Variants in ARSG observed in about 807,000 individuals in gnomAD.
ARSG encodes the protein arylsulfatase G.
A neutral mutation model predicts 50.5 loss-of-function variants in ARSG; 37 were observed. That is an observed-to-expected ratio of 0.73 (90% confidence interval 0.56 to 0.96). The LOEUF is 0.96. Ranked by LOEUF, ARSG falls within the 50% of genes least tolerant of loss-of-function variation. ARSG has a pLI of 0.00. For synonymous variants in ARSG, 225 were observed against 254.6 expected (o/e 0.88, Z 1.11); for missense variants, 629 against 675.3 (o/e 0.93, Z 0.76).
At chr17:68,362,097 A>G (rs373111990) in intron 6 of ARSG, among the ~76,000 whole-genome samples, 1 of 152,290 alleles carries the variant, frequency 6.6e-6, no homozygotes, top group East Asian at 1.9e-4. Flanking sequence ...CAGGATGCAG[A>G]GATGAAAGAC....
chr17:68,295,298 G>A (rs191817510), intron 1 of ARSG, among the ~76,000 whole-genome samples: 3 of 152,192 alleles, frequency 2.0e-5, no homozygotes, highest in East Asian at 1.9e-4. Flanking sequence ...GTGGGCGGCC[G>A]ATGATTGATT....
At chr17:68,330,165 G>A (rs541976105) in intron 2 of ARSG, among the ~76,000 whole-genome samples, 3 of 151,918 alleles carry the variant, frequency 2.0e-5, no homozygotes, top group East Asian at 1.9e-4. Context: ...AGCTGAGATC[G>A]AGCCACTGCA....
chr17:68,401,347 C>T lies in ARSG; in HGVS notation c.1213-13C>T. ...CAATTTTTCTATTAGTAAGCTCTGC[C>T]ACCCTTTCTCAGGTGCTGTTCCACC... On this transcript the variant is annotated splice_polypyrimidine_tract_variant and intron_variant, in intron 10 of 11. Coordinates refer to ENST00000621439, the MANE Select transcript of ARSG (RefSeq NM_001267727.2). 6.2e-7 allele frequency: 1 copy of T among 1,613,072 alleles called. No homozygotes were observed. The highest frequency in any genetic ancestry group is 2.2e-5 in the East Asian group (1 of 44,854).
At chr17:68,416,946 T>C (rs974490307) in intron 11 of ARSG, among the ~76,000 whole-genome samples, 4 of 152,364 alleles carry the variant, frequency 2.6e-5, no homozygotes, top group African/African-American at 7.2e-5. Context: ...GCTTAATAAC[T>C]AACCTCCTGA....
chr17:68,289,565 A>G (rs2075920970), upstream of ARSG, among the ~76,000 whole-genome samples: 1 of 152,208 alleles, frequency 6.6e-6, no homozygotes, highest in Non-Finnish European at 1.5e-5. Context: ...AGCCCGGAGA[A>G]CAGCTTTGAC....
chr17:68,353,114 C>T (rs17739230), intron 5 of ARSG, among the ~76,000 whole-genome samples: 11,096 of 151,936 alleles, frequency 0.073, 564 homozygotes, highest in Non-Finnish European at 0.11. Flanking sequence ...CTGTAATCCA[C>T]GTGACCACTG....
the ARSG span, among the ~76,000 whole-genome samples, chr17:68,431,443 G>A: frequency 1.3e-5 from 2 of 152,100 alleles, no homozygotes; most frequent in African/African-American, 4.8e-5. Context: ...AGGAGGTTCT[G>A]GGGGTGGTGG....
intron 2 of ARSG, among the ~76,000 whole-genome samples, chr17:68,339,976 A>G (rs2078196758): frequency 6.6e-6 from 1 of 152,174 alleles, no homozygotes; most frequent in African/African-American, 2.4e-5. Context: ...GCACCAAAGA[A>G]AAAAGAAAAT....
intron 1 of ARSG, among the ~76,000 whole-genome samples, chr17:68,303,365 G>A (rs782280599): frequency 6.6e-6 from 1 of 152,108 alleles, no homozygotes; most frequent in Admixed American, 6.6e-5. Flanking sequence ...GGCTCAAGCA[G>A]TCCTCCCACC....
chr17:68,450,936 C>T, the ARSG span: 3 of 1,586,074 alleles, frequency 1.9e-6, no homozygotes, highest in African/African-American at 2.7e-5. Context: ...ATGGATTGAT[C>T]ACTTCCAAGA....
At chr17:68,373,804 T>C (rs2079991967) in intron 8 of ARSG, among the ~76,000 whole-genome samples, 2 of 152,074 alleles carry the variant, frequency 1.3e-5, no homozygotes, top group Admixed American at 1.3e-4. Flanking sequence ...TTGTGATTTC[T>C]GGAGAGTTGG....
At chr17:68,412,057 G>A (rs1302816559) in intron 11 of ARSG, among the ~76,000 whole-genome samples, 27 of 152,282 alleles carry the variant, frequency 1.8e-4, no homozygotes, top group African/African-American at 6.5e-4. Flanking sequence ...ACACTGATGG[G>A]TCTTGACTCT....
intron 2 of ARSG, among the ~76,000 whole-genome samples, chr17:68,325,119 G>A (rs1391293134): frequency 2.6e-5 from 4 of 152,104 alleles, no homozygotes; most frequent in African/African-American, 7.2e-5. Context: ...GGAGGTGAGC[G>A]GCATGTGAGT....
intron 1 of ARSG, among the ~76,000 whole-genome samples, chr17:68,276,020 A>C (rs1228643240): frequency 3.3e-5 from 5 of 150,566 alleles, no homozygotes; most frequent in African/African-American, 1.2e-4. Flanking sequence ...ATACTCACTT[A>C]AAATAGAACC....
intron 2 of ARSG, among the ~76,000 whole-genome samples, chr17:68,339,949 G>A (rs1265519410): frequency 1.3e-5 from 2 of 152,182 alleles, no homozygotes; most frequent in East Asian, 3.8e-4. Context: ...TTAGCTGGGG[G>A]ATGGGTTGAT....
intron 6 of ARSG, among the ~76,000 whole-genome samples, chr17:68,368,079 A>G (rs1340012979): frequency 6.6e-6 from 1 of 152,196 alleles, no homozygotes; most frequent in Non-Finnish European, 1.5e-5. Flanking sequence ...TCCAAAAAAA[A>G]GAAAGAAAGG....
chr17:68,420,164 G>T (rs1393708366), intron 11 of ARSG, 25 bp from the exon 12 acceptor site: 1 of 1,611,302 alleles, frequency 6.2e-7, no homozygotes, highest in South Asian at 1.1e-5. Context: ...GGTTAGCGAG[G>T]CATTTGTTGT....
chr17:68,326,676 A>G (rs1320295677), intron 2 of ARSG, among the ~76,000 whole-genome samples: 3 of 152,170 alleles, frequency 2.0e-5, no homozygotes, highest in Non-Finnish European at 4.4e-5. Context: ...AAAAACAAAC[A>G]AACAAAAAAA....
At chr17:68,353,662 C>T (rs1407080162) in intron 5 of ARSG, among the ~76,000 whole-genome samples, 2 of 152,188 alleles carry the variant, frequency 1.3e-5, no homozygotes, top group African/African-American at 2.4e-5. Context: ...GAAGGTATGA[C>T]ATATGTCAGC....
Sources: allele counts gnomAD v4.1 joint callset (sites outside exome capture counted in the v4.1 genomes callset), GRCh38; gene constraint gnomAD v4.1.1; transcripts MANE v1.5; gene names NCBI Gene and HGNC (gene_info 2026-07-23, HGNC 2026-07-21).